Variants in UXS1 observed in about 807,000 individuals in gnomAD.
UXS1 encodes UDP-glucuronic acid decarboxylase 1.
Under a neutral mutation model 62.6 loss-of-function variants are expected in UXS1, and 33 were observed. The observed-to-expected ratio is 0.53, with a 90% CI of 0.40 to 0.70. The LOEUF (loss-of-function observed/expected upper bound fraction) is 0.70, where lower values mean the gene tolerates loss of function less well. Among genes scored for constraint, UXS1 ranks in the 30% least tolerant of loss-of-function variants. The pLI, the probability that UXS1 is intolerant of heterozygous loss-of-function variation, is 0.00. For synonymous variants in UXS1, 213 were observed against 206.8 expected (o/e 1.03, Z -0.26); for missense variants, 434 against 556.3 (o/e 0.78, Z 2.21).
chr2:106,159,424 A>T (rs1682720105), intron 4 of UXS1: 2 of 152,184 alleles, frequency 1.3e-5, no homozygotes, highest in African/African-American at 4.8e-5. Context: ...GTCTCTGTGG[A>T]TCTGCTCTGA....
Position 106,094,012 on chromosome 2 carries a change from TAA to T in UXS1, c.*12_*13del. Reference sequence around the variant, plus strand: ...AGTGTACAATGGTAGTCTTGTGTCCTAAAAGTGAGGAGTTCAGCTGTGGCGAG... The same window carrying T: ...AGTGTACAATGGTAGTCTTGTGTCCTAAGTGAGGAGTTCAGCTGTGGCGAG... On this transcript the variant is annotated 3_prime_UTR_variant, in exon 15 of 15. Coordinates refer to ENST00000283148, the MANE Select transcript of UXS1 (RefSeq NM_001253875.2). The T allele has an allele frequency of 6.2e-7, 1 of 1,603,682 alleles. No individual in the cohort carries two copies. Among genetic ancestry groups the T allele is most frequent in the Middle Eastern group, 1.7e-4 (1 of 6,026 alleles).
At chr2:106,121,314 T>C (rs560931449) in intron 9 of UXS1, among the ~76,000 whole-genome samples, 8 of 152,330 alleles carry the variant, frequency 5.3e-5, no homozygotes, top group African/African-American at 1.9e-4. Context: ...GGTATACCCA[T>C]AAAGTTATCA....
chr2:106,157,388 A>G (rs1473340357), intron 5 of UXS1, among the ~76,000 whole-genome samples: 1 of 152,234 alleles, frequency 6.6e-6, no homozygotes, highest in Admixed American at 6.5e-5. Flanking sequence ...CTATTAGCCA[A>G]GGATACCCCT....
chr2:106,190,741 A>C (rs1443640867), intron 1 of UXS1, among the ~76,000 whole-genome samples: 3 of 106,972 alleles, frequency 2.8e-5, no homozygotes, highest in African/African-American at 1.1e-4. Context: ...GAAACTCTGT[A>C]TCAAAAAAAA....
chr2:106,113,671 C>T (rs1010385105), intron 9 of UXS1, among the ~76,000 whole-genome samples: 5 of 152,184 alleles, frequency 3.3e-5, no homozygotes, highest in South Asian at 2.1e-4. Flanking sequence ...ACAGTGTATA[C>T]GTATCTAATG....
intron 1 of UXS1, among the ~76,000 whole-genome samples, chr2:106,191,950 G>A (rs907390475): frequency 2.0e-5 from 3 of 152,210 alleles, no homozygotes; most frequent in Admixed American, 1.3e-4. Flanking sequence ...GGGTCTCAAA[G>A]TGGTGTCAGG....
At chr2:106,140,923 A>T (rs1681049427) in intron 6 of UXS1, among the ~76,000 whole-genome samples, 1 of 152,206 alleles carries the variant, frequency 6.6e-6, no homozygotes, top group Non-Finnish European at 1.5e-5. Flanking sequence ...GTGGAAAAGT[A>T]AATTGGGACA....
intron 1 of UXS1, among the ~76,000 whole-genome samples, chr2:106,170,328 C>G (rs1683474118): frequency 6.6e-6 from 1 of 152,206 alleles, no homozygotes; most frequent in African/African-American, 2.4e-5. Context: ...CCAGGAGACA[C>G]TGGTGGCCCT....
intron 9 of UXS1, among the ~76,000 whole-genome samples, chr2:106,114,119 G>T (rs1026276089): frequency 1.3e-5 from 2 of 152,196 alleles, no homozygotes; most frequent in African/African-American, 2.4e-5. Context: ...TGGCTGGAGT[G>T]ACACGGCCGC....
At chr2:106,097,477 C>T (rs1677215920) in intron 13 of UXS1, 1 of 338,674 alleles carries the variant, frequency 3.0e-6, no homozygotes, top group South Asian at 2.3e-5. Flanking sequence ...GACTCTGCAG[C>T]GAATCACCAC....
chr2:106,111,831 C>A (rs1016096137), intron 10 of UXS1, among the ~76,000 whole-genome samples: 1 of 152,150 alleles, frequency 6.6e-6, no homozygotes, highest in African/African-American at 2.4e-5. Flanking sequence ...GGATGCAAAT[C>A]GACTCGAGTC....
intron 1 of UXS1, among the ~76,000 whole-genome samples, chr2:106,186,825 CA>C (rs1684587972): frequency 6.6e-6 from 1 of 150,922 alleles, no homozygotes; most frequent in South Asian, 2.1e-4. Flanking sequence ...CTCAAAAAAA[CA>C]GAAGCAAAAA....
chr2:106,101,160 A>C (rs765716007), intron 11 of UXS1, 42 bp from the exon 12 acceptor site: 2 of 1,611,008 alleles, frequency 1.2e-6, no homozygotes, highest in Admixed American at 3.3e-5. Context: ...GCCTGCTGGA[A>C]TATGCTAGTG....
intron 12 of UXS1, 157 bp downstream of exon 12, chr2:106,100,901 G>T (rs1677536421): frequency 4.5e-6 from 4 of 897,428 alleles, no homozygotes; most frequent in Non-Finnish European, 7.0e-6. Flanking sequence ...CTCTTACTTT[G>T]TGTTTGTTTG....
rs1337600625 is a variant in UXS1, at chr2:106,194,133, C to T, written c.94+15G>A. The T allele has an allele frequency of 4.1e-6, 6 of 1,463,320 alleles. No homozygotes were observed. Among genetic ancestry groups the T allele is most frequent in the South Asian group, 1.3e-5 (1 of 78,018 alleles). 90.6% of individuals were successfully genotyped at this position (1,463,320 alleles called of 1,614,324 possible). On this transcript the variant is annotated intron_variant, in intron 1 of 14. Transcript: ENST00000283148. ...ATGAATGGGGCTCCCCAGCTGGCAG[C>T]GGGCGCGCACTCACAGGCGACGTAG... is the stretch of plus-strand genomic sequence containing the variant.
intron 1 of UXS1, among the ~76,000 whole-genome samples, chr2:106,175,588 C>T (rs967962424): frequency 6.6e-6 from 1 of 152,108 alleles, no homozygotes; most frequent in African/African-American, 2.4e-5. Context: ...CACAGATGGC[C>T]GCCAGTGCTT....
intron 2 of UXS1, 64 bp from the exon 3 acceptor site, chr2:106,164,863 T>C (rs1683116303): frequency 7.8e-7 from 1 of 1,281,670 alleles, no homozygotes; most frequent in African/African-American, 1.5e-5. Flanking sequence ...TAAATTACCC[T>C]AACATAACCC....
intron 13 of UXS1, chr2:106,097,567 T>G: frequency 8.3e-6 from 2 of 241,428 alleles, no homozygotes; most frequent in South Asian, 5.9e-5. Context: ...CCCCCCAGCC[T>G]TAGGTTTCAA....
Position 106,125,674 on chromosome 2 carries a change from C to T in UXS1, c.583G>A (p.Ala195Thr), listed in dbSNP as rs1418006947. 2 of 1,576,162 alleles carry T rather than the reference C, an allele frequency of 1.3e-6. No homozygotes were observed. The highest frequency in any genetic ancestry group is 1.8e-5 in the Admixed American group (1 of 54,628). Residue 195 changes from alanine to threonine, a missense_variant, in exon 8 of 15, where the codon GCA (alanine) becomes ACA (threonine). Ala to Thr is a moderately conservative substitution (Grantham distance 58). Around this residue, in one of 3 missense-constraint regions of UXS1, gnomAD observed 134 missense variants for 251.9 expected, o/e 0.53. Transcript: ENST00000283148. ...AGCAGACGGGCACCGACTCGTTTTG[C>T]CAGCCCTACAGAAAGCAATGACATG... The part of the protein sequence containing the change: ...TIGTLNMLGL[A>T]KRVGARLLLA...
Sources: gnomAD v4.1 joint callset for allele counts (sites outside exome capture counted in the v4.1 genomes callset) on GRCh38, gnomAD v4.1.1 for gene constraint, gnomAD v4.1.1 regional missense constraint, MANE v1.5 for transcripts, NCBI Gene and HGNC (gene_info 2026-07-23, HGNC 2026-07-21) for gene names.